FADS1: variants seen among roughly 807,000 people sequenced by gnomAD.
FADS1 encodes fatty acid desaturase 1.
FADS1 carries 17 observed loss-of-function variants against 61.6 expected under a neutral mutation model. The observed-to-expected ratio is 0.28, with a 90% CI of 0.19 to 0.41. The LOEUF (loss-of-function observed/expected upper bound fraction) is 0.41, where lower values mean the gene tolerates loss of function less well. Among genes scored for constraint, FADS1 ranks in the 10% least tolerant of loss-of-function variants. The pLI is 1.00. For missense variants in FADS1, 387 were observed against 650.9 expected, an observed-to-expected ratio of 0.59 and a Z score of 4.41; for synonymous variants, 238 against 258.7, an observed-to-expected ratio of 0.92 and a Z score of 0.77.
In FADS1 at chr11:61,800,261, T is replaced by G. The variant is rs1056720719; in HGVS notation, c.*2150A>C. 3 of 152,056 alleles carry G rather than the reference T, an allele frequency of 2.0e-5. No homozygotes were observed. The highest frequency in any genetic ancestry group is 4.4e-5 in the Non-Finnish European group (3 of 68,020). 9.4% of individuals were successfully genotyped at this position (152,056 alleles called of 1,614,324 possible). Reference sequence around the variant, plus strand: ...CAGGCTGGAGTGCAGTGGTGTGATCTCAGCTCGCTGCAGGCTTGACCTCCT... The same window carrying G: ...CAGGCTGGAGTGCAGTGGTGTGATCGCAGCTCGCTGCAGGCTTGACCTCCT... On this transcript the variant is annotated 3_prime_UTR_variant, in exon 12 of 12. Coordinates refer to ENST00000350997, the MANE Select transcript of FADS1 (RefSeq NM_013402.7).
Position 61,802,303 on chromosome 11 carries a change from C to T in FADS1, c.*108G>A, listed in dbSNP as rs1221515803. 3.9e-6 allele frequency: 4 copies of T among 1,025,394 alleles called. No individual in the cohort carries two copies. The highest frequency in any genetic ancestry group is 5.9e-6 in the Non-Finnish European group (4 of 673,824). 63.5% of individuals were successfully genotyped at this position (1,025,394 alleles called of 1,614,324 possible). A position where few individuals can be genotyped will look rare whatever the true frequency, so the allele number is the denominator to read the frequency against. On this transcript the variant is annotated 3_prime_UTR_variant, in exon 12 of 12. Transcript: ENST00000350997. The surrounding 1 kb of genome is among the most constrained non-coding windows in gnomAD (Gnocchi z 4.2). ...GTCAGAGGCTTTATGTCCCCAAACC[C>T]AACCCCCTCTGAGTATTAAACTATA...
intron 5 of FADS1, 43 bp downstream of exon 5, chr11:61,810,708 G>T (rs1428348277): frequency 6.2e-7 from 1 of 1,610,458 alleles, no homozygotes; most frequent in Admixed American, 1.7e-5. Context: ...TATGTTGGCT[G>T]CCTCCTATTC....
chr11:61,811,659 G>C (rs1028294785), intron 3 of FADS1, among the ~76,000 whole-genome samples: 7 of 147,376 alleles, frequency 4.7e-5, no homozygotes, highest in African/African-American at 1.8e-4. Flanking sequence ...GTGCCAACTC[G>C]GCTCACTGCA....
chr11:61,803,336 C>A lies in FADS1; in HGVS notation c.1248+27G>T. The A allele has an allele frequency of 6.4e-7, 1 of 1,561,652 alleles. No homozygotes were observed. Among genetic ancestry groups the A allele is most frequent in the Non-Finnish European group, 8.8e-7 (1 of 1,132,170 alleles). ...TCCTTTTCAATAGTTGTGTTATGCTCCAGTCTTCTGAGTGACTGTCCCTTA... is the reference window on the plus strand; with the variant it reads ...TCCTTTTCAATAGTTGTGTTATGCTACAGTCTTCTGAGTGACTGTCCCTTA... On this transcript the variant is annotated intron_variant, in intron 9 of 11. Transcript: ENST00000350997. This position sits in a 1 kb window ranked among gnomAD's most constrained non-coding sequence, Gnocchi z 4.3.
rs1444922426 is a variant in FADS1 at position 61,815,949 on chromosome 11, C to T, written c.375+606G>A. Reference sequence around the variant, plus strand: ...TACGCCAGCGGCCGCTTGCCCTCCCCGGCCAGCGCTGTCCCTTCCGCGTCC... The same window carrying T: ...TACGCCAGCGGCCGCTTGCCCTCCCTGGCCAGCGCTGTCCCTTCCGCGTCC... On this transcript the variant is annotated intron_variant, in intron 1 of 11. Transcript: ENST00000350997. This position sits in a 1 kb window ranked among gnomAD's most constrained non-coding sequence, Gnocchi z 6.4. 1 of 383,564 alleles carries T rather than the reference C, an allele frequency of 2.6e-6. No individual in the cohort carries two copies. Among genetic ancestry groups the T allele is most frequent in the Non-Finnish European group, 4.8e-6 (1 of 209,346 alleles). The allele number at this position is 383,564 out of a possible 1,614,324, so 23.8% of individuals were successfully genotyped here.
intron 5 of FADS1, 57 bp downstream of exon 5, chr11:61,810,694 C>T (rs1248867043): frequency 6.2e-7 from 1 of 1,603,052 alleles, no homozygotes; most frequent in African/African-American, 1.3e-5. Context: ...TTCCCCAACT[C>T]CCCTATGTTG....
intron 7 of FADS1, 151 bp downstream of exon 7, chr11:61,804,534 C>T (rs2066880596): frequency 1.6e-6 from 1 of 645,022 alleles, no homozygotes; most frequent in Non-Finnish European, 2.8e-6. Context: ...CATTTCGTCC[C>T]ACTTAGAGAT....
rs369505841 is a variant in FADS1, at chr11:61,815,098, A to C, written c.375+1457T>G. 6.3e-6 allele frequency: 1 copy of C among 158,874 alleles called. No homozygotes were observed. The highest frequency in any genetic ancestry group is 1.5e-5 in the Non-Finnish European group (1 of 68,332). 9.8% of individuals were successfully genotyped at this position (158,874 alleles called of 1,614,324 possible). On this transcript the variant is annotated intron_variant, in intron 1 of 11. Coordinates refer to ENST00000350997, the MANE Select transcript of FADS1 (RefSeq NM_013402.7). The surrounding 1 kb of genome is among the most constrained non-coding windows in gnomAD (Gnocchi z 6.4). The stretch of plus-strand genomic sequence containing the variant: ...CTTTGGGTTGTGCAAGGTAAGGTCC[A>C]TGGCGATAAGATTCACGTTGGCAGG...
At chr11:61,804,626 AT>A in intron 7 of FADS1, 58 bp downstream of exon 7, 1 of 1,436,050 alleles carries the variant, frequency 7.0e-7, no homozygotes, top group South Asian at 1.2e-5. Flanking sequence ...GGGAACCCCT[AT>A]CCCCCACTCT....
intron 1 of FADS1, chr11:61,814,660 T>G (rs1384640998): frequency 6.6e-6 from 1 of 152,220 alleles, no homozygotes; most frequent in East Asian, 1.9e-4. Context: ...AGCAGCTGGC[T>G]GGGGTGGCCA....
In FADS1 at chr11:61,802,285, G is replaced by A. The variant is rs2066860696; in HGVS notation, c.*126C>T. On this transcript the variant is annotated 3_prime_UTR_variant, in exon 12 of 12. Transcript: ENST00000350997. The surrounding 1 kb of genome is among the most constrained non-coding windows in gnomAD (Gnocchi z 4.2). The stretch of plus-strand genomic sequence containing the variant: ...TAAAAGGGAGGAGTTTGAGTCAGAG[G>A]CTTTATGTCCCCAAACCCAACCCCC... 2 of 822,216 alleles carry A rather than the reference G, an allele frequency of 2.4e-6. No homozygotes were observed. Among genetic ancestry groups the A allele is most frequent in the South Asian group, 3.0e-5 (2 of 67,192 alleles). The allele number at this position is 822,216 out of a possible 1,614,324, so 50.9% of individuals were successfully genotyped here.
intron 1 of FADS1, among the ~76,000 whole-genome samples, chr11:61,813,893 G>GT (rs1026820795): frequency 2.6e-5 from 4 of 151,502 alleles, no homozygotes; most frequent in South Asian, 2.1e-4. Context: ...TGAACCCCGG[G>GT]GGAGGGCGGA....
chr11:61,808,058 G>A (rs1026362862), intron 5 of FADS1, among the ~76,000 whole-genome samples: 2 of 152,156 alleles, frequency 1.3e-5, no homozygotes, highest in African/African-American at 2.4e-5. Context: ...AACAGAGACC[G>A]GGTGCAGTGG....
chr11:61,802,481 G>T lies in FADS1; in HGVS notation c.1455-19C>A. 6.4e-7 allele frequency: 1 copy of T among 1,558,154 alleles called. No homozygotes were observed. Among genetic ancestry groups the T allele is most frequent in the Admixed American group, 1.9e-5 (1 of 51,972 alleles). ...TAGTGAGCTGCAGGGACAAAATGGG[G>T]GCAGACAGTGAGGGAGACAAGCAGA... is the stretch of plus-strand genomic sequence containing the variant. On this transcript the variant is annotated intron_variant, in intron 11 of 11. Transcript: ENST00000350997. The surrounding 1 kb of genome is among the most constrained non-coding windows in gnomAD (Gnocchi z 4.2).
rs2066865584 is a variant in FADS1, at chr11:61,802,777, A to G, written c.1454+24T>C. 3 of 1,613,836 alleles carry G rather than the reference A, an allele frequency of 1.9e-6. No individual in the cohort carries two copies. The highest frequency in any genetic ancestry group is 1.7e-6 in the Non-Finnish European group (2 of 1,180,012). On this transcript the variant is annotated intron_variant, in intron 11 of 11. Transcript: ENST00000350997. The surrounding 1 kb of genome is among the most constrained non-coding windows in gnomAD (Gnocchi z 4.2). ...CTGCCCTCTTCCCTCCCTACTAGCC[A>G]TCTTCCTGGTCTCAGATACTCACTG...
intron 5 of FADS1, 125 bp downstream of exon 5, chr11:61,810,626 A>G: frequency 7.7e-7 from 1 of 1,290,944 alleles, no homozygotes; most frequent in Non-Finnish European, 1.1e-6. Flanking sequence ...CAAAATGGCA[A>G]AAGCCCCAGC....
At position 61,803,719 on chromosome 11, in the gene FADS1, C is replaced by T; in HGVS notation, c.1102G>A (p.Val368Met). 1 of 1,614,008 alleles carries T rather than the reference C, an allele frequency of 6.2e-7. No homozygotes were observed. The highest frequency in any genetic ancestry group is 8.5e-7 in the Non-Finnish European group (1 of 1,179,870). ...TFYVRFFLTY[V>M]PLLGLKAFLG... ...AAGGCTTTCAGCCCCAATAGTGGCA[C>T]ATAAGTGAGGAAGAAGCGGACGTAG... The change falls in exon 8 of 12, where the codon GTG becomes ATG. Residue 368 changes from valine (V) to methionine (M), a missense_variant. This residue lies in a region of FADS1 where 257 missense variants were observed against 533.3 expected (regional missense o/e 0.48). Transcript: ENST00000350997. The surrounding 1 kb of genome is among the most constrained non-coding windows in gnomAD (Gnocchi z 4.3).
chr11:61,800,102 A>G lies in FADS1; in HGVS notation c.*2309T>C, dbSNP rs2066844138. 6.5e-6 allele frequency: 1 copy of G among 152,782 alleles called. No individual in the cohort carries two copies. The allele number at this position is 152,782 out of a possible 1,614,324, so 9.5% of individuals were successfully genotyped here. ...AAACAGGCTGGTGACACCACACCCA[A>G]AAGGTGGCAAAGAATAGGAATAGGA... On this transcript the variant is annotated 3_prime_UTR_variant, in exon 12 of 12. Coordinates refer to ENST00000350997, the MANE Select transcript of FADS1 (RefSeq NM_013402.7).
In FADS1 at chr11:61,802,021, C is replaced by T. The variant is rs943999011; in HGVS notation, c.*390G>A. 7 of 220,836 alleles carry T rather than the reference C, an allele frequency of 3.2e-5. No homozygotes were observed. Among genetic ancestry groups the T allele is most frequent in the Admixed American group, 2.6e-4 (5 of 19,578 alleles). The allele number at this position is 220,836 out of a possible 1,614,324, so 13.7% of individuals were successfully genotyped here. A position where few individuals can be genotyped will look rare whatever the true frequency, so the allele number is the denominator to read the frequency against. ...TCAGCCTCCTGGGTAGCTGGGATTA[C>T]AGGCGCGTGCCACCACGCCCGGCAT... On this transcript the variant is annotated 3_prime_UTR_variant, in exon 12 of 12. Transcript: ENST00000350997. This position sits in a 1 kb window ranked among gnomAD's most constrained non-coding sequence, Gnocchi z 4.2.
Sources: allele counts gnomAD v4.1 joint callset (sites outside exome capture counted in the v4.1 genomes callset), GRCh38; gene constraint gnomAD v4.1.1; regional missense constraint gnomAD v4.1.1; non-coding constraint Gnocchi (gnomAD v3.1); transcripts MANE v1.5; gene names NCBI Gene and HGNC (gene_info 2026-07-23, HGNC 2026-07-21).